CEP126: variants seen among roughly 807,000 people sequenced by gnomAD.
CEP126 encodes centrosomal protein of 126 kDa.
In CEP126, 74 loss-of-function variants were observed where a neutral mutation model predicts 107.8. That is an observed-to-expected ratio of 0.69 (90% CI 0.57 to 0.83). The LOEUF is 0.83. CEP126 is among the 40% of genes least tolerant of loss of function. CEP126 has a pLI of 0.00. For synonymous variants in CEP126, 449 were observed against 446.0 expected (o/e 1.01, Z -0.08); for missense variants, 1,237 against 1,281.9 (o/e 0.96, Z 0.53).
chr11:101,930,200 T>G (rs982026826), intron 2 of CEP126, among the ~76,000 whole-genome samples: 2 of 151,618 alleles, frequency 1.3e-5, no homozygotes, highest in Non-Finnish European at 2.9e-5. Flanking sequence ...GTATCTCTGG[T>G]GATTGGTTCC....
At position 101,958,262 on chromosome 11, in the gene CEP126, A is replaced by G; in HGVS notation, c.601A>G (p.Asn201Asp). The G allele has an allele frequency of 6.2e-7, 1 of 1,614,066 alleles. No individual in the cohort carries two copies. Among genetic ancestry groups the G allele is most frequent in the Non-Finnish European group, 8.5e-7 (1 of 1,179,956 alleles). The stretch of plus-strand genomic sequence containing the variant: ...CAAAATCAATTGTGAGAAAGAAATG[A>G]ATGAAAACATGAGGGCAACCTTGGC... ...LSKINCEKEMNENMRATLATS... is the reference protein window; with the variant it reads ...LSKINCEKEMDENMRATLATS... The change falls in exon 5 of 11, where the codon AAT becomes GAT. Residue 201 changes from asparagine (N) to aspartate (D), a missense_variant. This residue lies in a region of CEP126 where 1,134 missense variants were observed against 1,150.5 expected (regional missense o/e 0.99). Coordinates refer to ENST00000263468, the MANE Select transcript of CEP126 (RefSeq NM_020802.4).
intron 6 of CEP126, among the ~76,000 whole-genome samples, chr11:101,968,898 T>C (rs1188789043): frequency 6.6e-6 from 1 of 152,178 alleles, no homozygotes; most frequent in East Asian, 1.9e-4. Context: ...TGGGTGTGAA[T>C]GGGAAATTGA....
At chr11:101,958,012 T>A (rs1940921944) in intron 4 of CEP126, among the ~76,000 whole-genome samples, 156 bp from the exon 5 acceptor site, 1 of 152,224 alleles carries the variant, frequency 6.6e-6, no homozygotes. Flanking sequence ...TGCCTTAAAT[T>A]CTCATTCTAA....
intron 2 of CEP126, among the ~76,000 whole-genome samples, chr11:101,935,280 A>G (rs1940560658): frequency 6.6e-6 from 1 of 151,868 alleles, no homozygotes; most frequent in Non-Finnish European, 1.5e-5. Context: ...TTTATATTGT[A>G]AGTATTTTCT....
Position 101,925,825 on chromosome 11 carries a change from T to G in CEP126, c.248+3065T>G, listed in dbSNP as rs184297086. ...GCCCGTCACCATGCCCGGCTAATTT[T>G]TGTATTTTTAGTAAAGACGGGGTTT... On this transcript the variant is annotated intron_variant, in intron 2 of 10. Coordinates refer to ENST00000263468, the MANE Select transcript of CEP126 (RefSeq NM_020802.4). Among the ~76,000 whole-genome samples the G allele has an allele frequency of 9.2e-4, 131 of 142,924 alleles. 1 individual carries two copies. The highest frequency in any genetic ancestry group is 3.4e-3 in the African/African-American group (128 of 37,948). 93.8% of individuals were successfully genotyped at this position (142,924 alleles called of 152,430 possible).
chr11:101,924,749 GT>G lies in CEP126; in HGVS notation c.248+1993del, dbSNP rs375241776. On this transcript the variant is annotated intron_variant, in intron 2 of 10. Coordinates refer to ENST00000263468, the MANE Select transcript of CEP126 (RefSeq NM_020802.4). ...TCCCAAAGTGCTGGGATTATAGGTG[GT>G]TTTGGGTTTTTTTTTTAAATAGTAT... is the stretch of plus-strand genomic sequence containing the variant. Among the ~76,000 whole-genome samples, 418 of 151,678 alleles carry G rather than the reference GT, an allele frequency of 2.8e-3. 1 individual carries two copies. The highest frequency in any genetic ancestry group is 9.4e-3 in the African/African-American group (389 of 41,434).
intron 9 of CEP126, among the ~76,000 whole-genome samples, chr11:101,989,198 A>G (rs983638721): frequency 6.6e-6 from 1 of 152,214 alleles, no homozygotes; most frequent in Non-Finnish European, 1.5e-5. Flanking sequence ...TAAATAAATC[A>G]TGATTCTGAA....
Position 101,961,724 on chromosome 11 carries a change from GTTC to G in CEP126, c.706-14_706-12del, listed in dbSNP as rs1386702859. ...AAAAGTTTATAAGCTATAAAACAAT[GTTC>G]TTTTTTTTTCCAGAAATTTTGTGAT... On this transcript the variant is annotated splice_polypyrimidine_tract_variant and intron_variant, in intron 5 of 10. Transcript: ENST00000263468. 11 of 1,374,616 alleles carry G rather than the reference GTTC, an allele frequency of 8.0e-6. No homozygotes were observed. Among genetic ancestry groups the G allele is most frequent in the Admixed American group, 4.6e-5 (2 of 43,656 alleles). 85.2% of individuals were successfully genotyped at this position (1,374,616 alleles called of 1,614,324 possible).
At chr11:101,955,246 T>C (rs149618969) in intron 4 of CEP126, among the ~76,000 whole-genome samples, 1 of 152,202 alleles carries the variant, frequency 6.6e-6, no homozygotes, top group Non-Finnish European at 1.5e-5. Context: ...AAGTAATTAG[T>C]CTTCTGTCAC....
At chr11:101,953,099 C>T (rs531741972) in intron 4 of CEP126, among the ~76,000 whole-genome samples, 9 of 152,288 alleles carry the variant, frequency 5.9e-5, no homozygotes, top group Non-Finnish European at 1.0e-4. Context: ...GGATAAGACG[C>T]CCCATGTTCT....
At chr11:101,933,026 A>G (rs1940524609) in intron 2 of CEP126, among the ~76,000 whole-genome samples, 1 of 152,212 alleles carries the variant, frequency 6.6e-6, no homozygotes, top group South Asian at 2.1e-4. Context: ...TCTACCAGGT[A>G]CAAAGCATTG....
intron 7 of CEP126, among the ~76,000 whole-genome samples, chr11:101,978,975 CA>C (rs1228930971): frequency 6.6e-6 from 1 of 151,452 alleles, no homozygotes; most frequent in Non-Finnish European, 1.5e-5. Flanking sequence ...ACTAAAAATA[CA>C]AAAAAATTAG....
chr11:101,915,526 C>T (rs1940190337), intron 1 of CEP126, 114 bp downstream of exon 1: 1 of 1,322,124 alleles, frequency 7.6e-7, no homozygotes, highest in Non-Finnish European at 1.0e-6. Flanking sequence ...AGCAAGTCAT[C>T]TTAGTGCAGA....
At position 101,997,707 on chromosome 11, in the gene CEP126, T is replaced by C. The variant is rs576667502; in HGVS notation, c.*64T>C. 10 of 1,604,952 alleles carry C rather than the reference T, an allele frequency of 6.2e-6. No individual in the cohort carries two copies. In the East Asian group the frequency reaches 2.0e-4, roughly 32 times the overall value. ...TCCCTAGGACTAGATGCATACCGTT[T>C]TGTGAAAACCAGCCATAGGAAAACA... On this transcript the variant is annotated 3_prime_UTR_variant, in exon 11 of 11. Transcript: ENST00000263468.
intron 2 of CEP126, among the ~76,000 whole-genome samples, chr11:101,926,104 A>C (rs1940405421): frequency 6.6e-6 from 1 of 152,190 alleles, no homozygotes; most frequent in Non-Finnish European, 1.5e-5. Context: ...ACAATAAAAA[A>C]CATGATTTCT....
At position 101,997,876 on chromosome 11, in the gene CEP126, A is replaced by C. The variant is rs541108350; in HGVS notation, c.*233A>C. On this transcript the variant is annotated 3_prime_UTR_variant, in exon 11 of 11. Coordinates refer to ENST00000263468, the MANE Select transcript of CEP126 (RefSeq NM_020802.4). ...GAAAGACATTATGCCTGCCTAAACA[A>C]AAAGCAGGACATAACCTAGCTCTGA... 3.3e-5 allele frequency: 17 copies of C among 514,344 alleles called. No homozygotes were observed. Among genetic ancestry groups the C allele is most frequent in the African/African-American group, 3.0e-4 (16 of 52,860 alleles). 31.9% of individuals were successfully genotyped at this position (514,344 alleles called of 1,614,324 possible).
chr11:101,978,454 A>G lies in CEP126; in HGVS notation c.2953A>G (p.Ile985Val). ...TGTAGGACAGAAGTACAGTGAGCAA[A>G]TTAATGTAAGTATGGTATTAATCAA... ...GSVGQKYSEQ[I>V]NNFGQSVLLS... The change falls in exon 7 of 11, where the codon ATT (isoleucine) becomes GTT (valine). Residue 985 changes from isoleucine (I) to valine (V), a missense_variant. Ile to Val is a conservative substitution (Grantham distance 29). This residue lies in a region of CEP126 where 1,134 missense variants were observed against 1,150.5 expected (regional missense o/e 0.99). Coordinates refer to ENST00000263468, the MANE Select transcript of CEP126 (RefSeq NM_020802.4). The G allele has an allele frequency of 3.8e-6, 6 of 1,581,242 alleles. No individual in the cohort carries two copies. The South Asian group carries it at 6.7e-5, about 18-fold the overall frequency.
intron 4 of CEP126, among the ~76,000 whole-genome samples, chr11:101,951,775 G>T (rs1940815723): frequency 6.6e-6 from 1 of 152,112 alleles, no homozygotes; most frequent in African/African-American, 2.4e-5. Context: ...CTGAATTGAG[G>T]GGATAAATAT....
chr11:101,932,253 A>G (rs1266168587), intron 2 of CEP126, among the ~76,000 whole-genome samples: 2 of 152,216 alleles, frequency 1.3e-5, no homozygotes, highest in Non-Finnish European at 2.9e-5. Flanking sequence ...TTGCTTATTA[A>G]AACTTTTTAT....
Sources: allele counts gnomAD v4.1 joint callset (sites outside exome capture counted in the v4.1 genomes callset), GRCh38; gene constraint gnomAD v4.1.1; regional missense constraint gnomAD v4.1.1; transcripts MANE v1.5; gene names NCBI Gene and HGNC (gene_info 2026-07-23, HGNC 2026-07-21).